NEDD4: variants seen among roughly 807,000 people sequenced by gnomAD.
NEDD4 encodes the protein E3 ubiquitin-protein ligase NEDD4.
A neutral mutation model predicts 144.9 loss-of-function variants in NEDD4; 99 were observed. The ratio of observed to expected loss-of-function variants is 0.68; its 90% CI spans 0.58 to 0.81. The LOEUF (loss-of-function observed/expected upper bound fraction) is 0.81. Among genes scored for constraint, NEDD4 ranks in the 30% least tolerant of loss-of-function variants. The probability of loss-of-function intolerance (pLI) is 0.00; values close to 1 mark genes in which losing one functional copy is unlikely to be tolerated. For missense variants in NEDD4, 985 were observed against 1,065.9 expected (o/e 0.92, Z 1.06); for synonymous variants, 318 against 350.6 (o/e 0.91, Z 1.04).
At chr15:55,906,023 A>G (rs1343568451) in intron 5 of NEDD4, among the ~76,000 whole-genome samples, 78 of 152,330 alleles carry the variant, frequency 5.1e-4, no homozygotes, top group African/African-American at 1.8e-3. Context: ...CAACAGACAC[A>G]TGAAAAAATG....
chr15:55,931,435 AT>A (rs1294058252), intron 4 of NEDD4, among the ~76,000 whole-genome samples: 1 of 152,224 alleles, frequency 6.6e-6, no homozygotes, highest in Non-Finnish European at 1.5e-5. Flanking sequence ...GATTTTTTAA[AT>A]TTATTGAAGA....
At chr15:55,858,819 CCAGA>C (rs2034293842) in intron 11 of NEDD4, among the ~76,000 whole-genome samples, 3 of 152,226 alleles carry the variant, frequency 2.0e-5, no homozygotes, top group African/African-American at 7.2e-5. Context: ...CTGTTAAGAT[CCAGA>C]CAGTAAATAC....
chr15:55,954,667 G>A (rs1365596706), intron 2 of NEDD4, among the ~76,000 whole-genome samples: 8 of 152,066 alleles, frequency 5.3e-5, no homozygotes, highest in East Asian at 1.9e-4. Flanking sequence ...TGGGATTACA[G>A]GCATGCATCA....
At chr15:55,983,855 C>T (rs1028681367) in intron 1 of NEDD4, among the ~76,000 whole-genome samples, 3 of 152,130 alleles carry the variant, frequency 2.0e-5, no homozygotes, top group Middle Eastern at 3.2e-3. Context: ...AAGTGATCCA[C>T]CCATCTCAGC....
At chr15:55,872,903 T>TCCTG (rs2034854180) in intron 6 of NEDD4, among the ~76,000 whole-genome samples, 1 of 150,102 alleles carries the variant, frequency 6.7e-6, no homozygotes, top group Non-Finnish European at 1.5e-5. Context: ...AAGCTTATGG[T>TCCTG]CCTGCACCCT....
intron 5 of NEDD4, among the ~76,000 whole-genome samples, chr15:55,885,353 C>G (rs572908588): frequency 1.3e-5 from 2 of 152,102 alleles, no homozygotes; most frequent in African/African-American, 4.8e-5. Context: ...AGGAAATTAT[C>G]TGAAGGTACA....
intron 5 of NEDD4, among the ~76,000 whole-genome samples, chr15:55,874,969 G>A (rs1308738546): frequency 1.5e-5 from 2 of 133,334 alleles, no homozygotes; most frequent in Admixed American, 7.5e-5. Context: ...GTAAGACTCC[G>A]CTCAAAAAGA....
At chr15:55,975,448 A>G (rs982186341) in intron 1 of NEDD4, among the ~76,000 whole-genome samples, 1 of 152,206 alleles carries the variant, frequency 6.6e-6, no homozygotes, top group Non-Finnish European at 1.5e-5. Flanking sequence ...TTTAAGAAAC[A>G]AGGTATTAAA....
chr15:55,886,891 G>A (rs1219573913), intron 5 of NEDD4, among the ~76,000 whole-genome samples: 1 of 152,046 alleles, frequency 6.6e-6, no homozygotes, highest in African/African-American at 2.4e-5. Flanking sequence ...GCTCCTGAAT[G>A]AATGAACAGT....
At chr15:55,949,839 A>C (rs1212718077) in intron 4 of NEDD4, among the ~76,000 whole-genome samples, 2 of 152,168 alleles carry the variant, frequency 1.3e-5, no homozygotes, top group African/African-American at 2.4e-5. Flanking sequence ...ATTAGGAGAT[A>C]TACCTAATGT....
rs780865270 is a variant in NEDD4 at position 55,848,375 on chromosome 15, T to C, written c.1539A>G (p.Gly513=). 6.2e-7 allele frequency: 1 copy of C among 1,614,048 alleles called. No individual in the cohort carries two copies. The highest frequency in any genetic ancestry group is 1.7e-5 in the Admixed American group (1 of 60,020). ...DPRLENVAIT[G]PAVPYSRDYK... Reference sequence around the variant, plus strand: ...GCACACTGGCAGAGAGACTTACTGGTCCAGTTATTGCTACATTCTCCAACC... The same window carrying C: ...GCACACTGGCAGAGAGACTTACTGGCCCAGTTATTGCTACATTCTCCAACC... The change falls in exon 17 of 29, where the codon GGA becomes GGG. Residue 513 remains glycine (G), a synonymous_variant. Coordinates refer to ENST00000435532, the MANE Select transcript of NEDD4 (RefSeq NM_006154.4).
intron 5 of NEDD4, among the ~76,000 whole-genome samples, chr15:55,904,005 C>CA (rs1333748507): frequency 3.3e-5 from 5 of 151,400 alleles, no homozygotes; most frequent in South Asian, 2.1e-4. Flanking sequence ...ACTAAAAACA[C>CA]AAAAAAATTA....
At chr15:55,927,550 G>T (rs891391944) in intron 4 of NEDD4, among the ~76,000 whole-genome samples, 7 of 152,154 alleles carry the variant, frequency 4.6e-5, no homozygotes, top group African/African-American at 1.7e-4. Context: ...TCCCGTCATG[G>T]CCTCACAAGA....
chr15:55,836,671 G>C (rs1336656691), intron 24 of NEDD4, among the ~76,000 whole-genome samples: 1 of 152,082 alleles, frequency 6.6e-6, no homozygotes, highest in Non-Finnish European at 1.5e-5. Flanking sequence ...GACTGCACGT[G>C]CACGCCACCA....
chr15:55,963,170 C>A (rs1314361111), intron 2 of NEDD4, among the ~76,000 whole-genome samples: 1 of 145,682 alleles, frequency 6.9e-6, no homozygotes, highest in Non-Finnish European at 1.5e-5. Flanking sequence ...CTCACTCTGT[C>A]GCCTAGGCTG....
At chr15:55,902,679 T>C (rs8032158) in intron 5 of NEDD4, among the ~76,000 whole-genome samples, 47,822 of 151,994 alleles carry the variant, frequency 0.31, 7,665 homozygotes, top group South Asian at 0.41. Context: ...CTTATAATAA[T>C]ATAGGTAGTT....
intron 5 of NEDD4, among the ~76,000 whole-genome samples, chr15:55,876,232 T>C (rs1438550583): frequency 6.6e-6 from 1 of 152,170 alleles, no homozygotes; most frequent in Non-Finnish European, 1.5e-5. Flanking sequence ...AGACAAATTG[T>C]TGGCACTACA....
At chr15:55,908,809 G>A (rs1182391328) in intron 5 of NEDD4, among the ~76,000 whole-genome samples, 3 of 152,236 alleles carry the variant, frequency 2.0e-5, no homozygotes, top group Admixed American at 6.5e-5. Flanking sequence ...GGAAGCTGAG[G>A]CAAGAGGATT....
At chr15:55,931,037 C>A (rs187773453) in intron 4 of NEDD4, among the ~76,000 whole-genome samples, 3 of 151,764 alleles carry the variant, frequency 2.0e-5, no homozygotes, top group Non-Finnish European at 4.4e-5. Flanking sequence ...TTTTAAAACA[C>A]GGGCGTAAAG....
Sources: gnomAD v4.1 joint callset for allele counts (sites outside exome capture counted in the v4.1 genomes callset) on GRCh38, gnomAD v4.1.1 for gene constraint, MANE v1.5 for transcripts, NCBI Gene and HGNC (gene_info 2026-07-23, HGNC 2026-07-21) for gene names.